ACBD6: variants seen among roughly 807,000 people sequenced by gnomAD.
ACBD6 encodes acyl-CoA binding domain containing 6.
Under a neutral mutation model 37.2 loss-of-function variants are expected in ACBD6, and 28 were observed. The ratio of observed to expected loss-of-function variants is 0.75; its 90% confidence interval spans 0.56 to 1.03. The LOEUF is 1.03. ACBD6 is among the 50% of genes least tolerant of loss of function. The pLI, the probability that ACBD6 is intolerant of heterozygous loss-of-function variation, is 0.00. For missense variants in ACBD6, 340 were observed against 337.4 expected (o/e 1.01, Z -0.06); for synonymous variants, 113 against 126.8 (o/e 0.89, Z 0.73).
At chr1:180,446,276 G>A (rs1470848690) in intron 3 of ACBD6, among the ~76,000 whole-genome samples, 1 of 151,498 alleles carries the variant, frequency 6.6e-6, no homozygotes, top group African/African-American at 2.4e-5. Context: ...GCCTCCCTAA[G>A]TGCTGAGATT....
intron 1 of ACBD6, among the ~76,000 whole-genome samples, chr1:180,501,650 T>C (rs1207493190): frequency 4.6e-5 from 7 of 152,326 alleles, no homozygotes; most frequent in Non-Finnish European, 8.8e-5. Context: ...TATTATCTTT[T>C]TGGATCTCTA....
At chr1:180,286,709 ATTAAT>A (rs1334545702), downstream of ACBD6, among the ~76,000 whole-genome samples, 1 of 151,066 alleles carries the variant, frequency 6.6e-6, no homozygotes. Flanking sequence ...ACTTCCACAG[ATTAAT>A]TAAATTATTT....
chr1:180,389,893 T>A (rs1188056032), intron 6 of ACBD6, among the ~76,000 whole-genome samples: 1 of 152,198 alleles, frequency 6.6e-6, no homozygotes, highest in African/African-American at 2.4e-5. Context: ...TTGTAGATTC[T>A]GGATATTAGC....
intron 2 of ACBD6, 139 bp from the exon 3 acceptor site, chr1:180,492,504 G>T: frequency 1.4e-6 from 1 of 723,956 alleles, no homozygotes; most frequent in Non-Finnish European, 2.4e-6. Context: ...GAGAAGCTCT[G>T]TCTTTTTGCA....
At chr1:180,311,756 G>C (rs1650602299) in intron 7 of ACBD6, among the ~76,000 whole-genome samples, 2 of 152,306 alleles carry the variant, frequency 1.3e-5, no homozygotes, top group African/African-American at 2.4e-5. Context: ...AGACAGAAAG[G>C]AGGGAGTAAT....
rs1399246391 is a variant in ACBD6 at position 180,502,202 on chromosome 1, CCT to C, written c.63_64del (p.Asp23ArgfsTer10). 36 of 1,613,902 alleles carry C rather than the reference CCT, an allele frequency of 2.2e-5. No homozygotes were observed. Among genetic ancestry groups the C allele is most frequent in the Admixed American group, 6.7e-5 (4 of 60,012 alleles). ...GAACTCCACCTCCCCGGAGTCGTCC[CCT>C]GAGCTCAGCTCTCCACCGCTGTCGC... On this transcript the variant is annotated frameshift_variant, in exon 1 of 8. Coordinates refer to ENST00000367595, the MANE Select transcript of ACBD6 (RefSeq NM_032360.4). LOFTEE classifies it high-confidence loss of function.
intron 6 of ACBD6, among the ~76,000 whole-genome samples, chr1:180,340,172 G>T (rs1288221858): frequency 2.6e-5 from 4 of 152,180 alleles, no homozygotes; most frequent in Admixed American, 2.6e-4. Flanking sequence ...AGATGGCATA[G>T]GGCCTAGTAA....
At chr1:180,492,925 A>G (rs910850243) in intron 2 of ACBD6, among the ~76,000 whole-genome samples, 12 of 152,078 alleles carry the variant, frequency 7.9e-5, no homozygotes, top group African/African-American at 2.9e-4. Flanking sequence ...TTAGTCTGGG[A>G]CTTCAAAAGT....
chr1:180,382,534 GTGAGTAATGAGATTGAA>G (rs1653696450), intron 6 of ACBD6, among the ~76,000 whole-genome samples: 2 of 152,118 alleles, frequency 1.3e-5, no homozygotes, highest in African/African-American at 4.8e-5. Flanking sequence ...TAGACCAACA[GTGAGTAATGAGATTGAA>G]TCAGTGATAA....
intron 9 of ACBD6, chr1:180,277,776 T>TTGA (rs1338964652): frequency 1.3e-5 from 2 of 151,930 alleles, no homozygotes; most frequent in Admixed American, 6.6e-5. Context: ...TCAACTATCA[T>TTGA]TGATAACACT....
At chr1:180,331,351 TTAGA>T (rs1651473798) in intron 6 of ACBD6, among the ~76,000 whole-genome samples, 1 of 152,174 alleles carries the variant, frequency 6.6e-6, no homozygotes, top group Admixed American at 6.5e-5. Flanking sequence ...ACCAAATAAC[TTAGA>T]TAGCCATTTT....
chr1:180,331,897 C>T (rs961983210), intron 6 of ACBD6, among the ~76,000 whole-genome samples: 1 of 152,126 alleles, frequency 6.6e-6, no homozygotes, highest in Non-Finnish European at 1.5e-5. Flanking sequence ...TATATTGAAT[C>T]CACAAACAAC....
intron 3 of ACBD6, among the ~76,000 whole-genome samples, chr1:180,464,606 C>T (rs1360214598): frequency 6.6e-6 from 1 of 152,120 alleles, no homozygotes; most frequent in African/African-American, 2.4e-5. Context: ...AATGGTTACA[C>T]TACCCAAAGC....
intron 6 of ACBD6, among the ~76,000 whole-genome samples, chr1:180,337,849 A>T (rs991303806): frequency 3.3e-5 from 5 of 152,218 alleles, no homozygotes; most frequent in African/African-American, 4.8e-5. Flanking sequence ...AAGCATTCTT[A>T]TACACCAATA....
At chr1:180,301,165 ATC>A (rs1162067045) in intron 7 of ACBD6, among the ~76,000 whole-genome samples, 2 of 152,212 alleles carry the variant, frequency 1.3e-5, no homozygotes, top group African/African-American at 4.8e-5. Flanking sequence ...ACTACTGTAT[ATC>A]TGCCTAGGTT....
intron 3 of ACBD6, among the ~76,000 whole-genome samples, chr1:180,455,532 G>A (rs1165743562): frequency 6.6e-6 from 1 of 151,698 alleles, no homozygotes; most frequent in Non-Finnish European, 1.5e-5. Context: ...TAAAAAAAAA[G>A]AAACTAGGAA....
chr1:180,295,955 T>G (rs1649899669), intron 7 of ACBD6, among the ~76,000 whole-genome samples: 1 of 152,136 alleles, frequency 6.6e-6, no homozygotes, highest in Non-Finnish European at 1.5e-5. Context: ...CTAGAAATGA[T>G]TAAGCTTAGT....
At chr1:180,429,819 G>T (rs999404389) in intron 4 of ACBD6, among the ~76,000 whole-genome samples, 1 of 152,090 alleles carries the variant, frequency 6.6e-6, no homozygotes, top group African/African-American at 2.4e-5. Flanking sequence ...GCTTTAGATT[G>T]AGACACAACA....
chr1:180,277,739 A>AGTT (rs1649120223), intron 9 of ACBD6: 2 of 152,318 alleles, frequency 1.3e-5, no homozygotes, highest in Admixed American at 6.5e-5. Flanking sequence ...CTCATCTGAC[A>AGTT]GTTATGAATA....
Sources: gnomAD v4.1 joint callset for allele counts (sites outside exome capture counted in the v4.1 genomes callset) on GRCh38, gnomAD v4.1.1 for gene constraint, MANE v1.5 for transcripts, NCBI Gene and HGNC (gene_info 2026-07-23, HGNC 2026-07-21) for gene names.